The following PTPRT variants were observed in gnomAD, a reference collection of about 807,000 sequenced individuals.
PTPRT encodes the protein receptor-type tyrosine-protein phosphatase T.
Under a neutral mutation model 176.8 loss-of-function variants are expected in PTPRT, and 56 were observed. The ratio of observed to expected loss-of-function variants is 0.32; its 90% CI spans 0.26 to 0.40. The LOEUF (loss-of-function observed/expected upper bound fraction) is 0.40, where lower values mean the gene tolerates loss of function less well. Among genes scored for constraint, PTPRT ranks in the 10% least tolerant of loss-of-function variants. The pLI is 1.00. For missense variants in PTPRT, 1,540 were observed against 1,908.2 expected (o/e 0.81, Z 3.60); for synonymous variants, 783 against 739.0 (o/e 1.06, Z -0.96).
intron 7 of PTPRT, among the ~76,000 whole-genome samples, chr20:42,630,756 G>A (rs6030384): frequency 0.15 from 22,693 of 152,174 alleles, 1,793 homozygotes; most frequent in South Asian, 0.19. Flanking sequence ...GGTTATTAGC[G>A]ATTGCCATGC....
intron 9 of PTPRT, among the ~76,000 whole-genome samples, chr20:42,365,692 T>C (rs770832233): frequency 6.6e-6 from 1 of 152,166 alleles, no homozygotes; most frequent in Non-Finnish European, 1.5e-5. Flanking sequence ...AAAAATCTCA[T>C]AATGTTTTAA....
intron 7 of PTPRT, among the ~76,000 whole-genome samples, chr20:42,575,284 G>A (rs62203792): frequency 0.093 from 14,141 of 152,190 alleles, 1,275 homozygotes; most frequent in African/African-American, 0.24. Flanking sequence ...TGGAAGGACC[G>A]TCAAGTGTTA....
At chr20:42,772,466 A>T (rs1366579163) in intron 4 of PTPRT, among the ~76,000 whole-genome samples, 2 of 152,224 alleles carry the variant, frequency 1.3e-5, no homozygotes, top group Non-Finnish European at 2.9e-5. Flanking sequence ...GTGTATGAGC[A>T]GACAATCTTC....
rs971739935 is a variant in PTPRT at position 42,074,698 on chromosome 20, G to T, written c.*6181C>A. The T allele has an allele frequency of 5.0e-6, 2 of 398,368 alleles. No homozygotes were observed. The highest frequency in any genetic ancestry group is 4.4e-6 in the Non-Finnish European group (1 of 225,970). 24.7% of individuals were successfully genotyped at this position (398,368 alleles called of 1,614,324 possible). ...TGCTAGGTTTGGAGGCTACCATTGT[G>T]AGTGTTGATGCCTCCTTTTAGAGAC... is the stretch of plus-strand genomic sequence containing the variant. On this transcript the variant is annotated 3_prime_UTR_variant, in exon 31 of 31. Coordinates refer to ENST00000373187, the MANE Select transcript of PTPRT (RefSeq NM_007050.6).
intron 1 of PTPRT, among the ~76,000 whole-genome samples, chr20:42,916,757 T>C (rs1978787649): frequency 2.6e-5 from 4 of 152,250 alleles, no homozygotes; most frequent in Admixed American, 6.5e-5. Flanking sequence ...ATTGCATAAA[T>C]GTCTTCTTTT....
chr20:42,246,592 G>A (rs1050451032), intron 14 of PTPRT, among the ~76,000 whole-genome samples: 1 of 152,106 alleles, frequency 6.6e-6, no homozygotes, highest in East Asian at 1.9e-4. Flanking sequence ...GAAACATAAA[G>A]CCTTTTCCTC....
At chr20:42,511,557 T>C (rs1053183282) in intron 7 of PTPRT, among the ~76,000 whole-genome samples, 7 of 152,026 alleles carry the variant, frequency 4.6e-5, no homozygotes, top group African/African-American at 1.7e-4. Flanking sequence ...GTAAAATGTA[T>C]TCCTTTTCAG....
intron 7 of PTPRT, among the ~76,000 whole-genome samples, chr20:42,606,322 G>A (rs1162583584): frequency 6.6e-6 from 1 of 152,134 alleles, no homozygotes; most frequent in African/African-American, 2.4e-5. Flanking sequence ...AGCAGATCTG[G>A]GACCTCAGCA....
chr20:42,366,026 A>G (rs1023084224), intron 9 of PTPRT, among the ~76,000 whole-genome samples: 3 of 152,188 alleles, frequency 2.0e-5, no homozygotes, highest in Admixed American at 1.3e-4. Flanking sequence ...CTCTCTGCCC[A>G]TGACTTCCCT....
intron 1 of PTPRT, among the ~76,000 whole-genome samples, chr20:42,932,674 C>T (rs958547270): frequency 2.2e-4 from 33 of 152,220 alleles, no homozygotes; most frequent in African/African-American, 5.8e-4. Context: ...TGGCAAACCA[C>T]GACAGCTGGT....
At chr20:42,651,839 G>T (rs1381757527) in intron 7 of PTPRT, among the ~76,000 whole-genome samples, 2 of 152,068 alleles carry the variant, frequency 1.3e-5, no homozygotes, top group East Asian at 1.9e-4. Context: ...CTGAGGTCAG[G>T]AGTTCAAGAT....
intron 1 of PTPRT, among the ~76,000 whole-genome samples, chr20:43,078,327 GC>G (rs1013527042): frequency 6.6e-6 from 1 of 152,192 alleles, no homozygotes; most frequent in African/African-American, 2.4e-5. Flanking sequence ...CACTCAGCCA[GC>G]CCTGAATGAA....
intron 7 of PTPRT, among the ~76,000 whole-genome samples, chr20:42,578,904 G>GT (rs1028151798): frequency 6.8e-6 from 1 of 147,116 alleles, no homozygotes; most frequent in African/African-American, 2.5e-5. Context: ...TTTTTTTTTG[G>GT]GGGGGGGTCG....
At chr20:42,101,041 A>G (rs767783720) in intron 26 of PTPRT, among the ~76,000 whole-genome samples, 4 of 152,210 alleles carry the variant, frequency 2.6e-5, no homozygotes, top group African/African-American at 4.8e-5. Context: ...TGACCCCAGG[A>G]GAAAGCATCC....
At chr20:42,052,732 T>G in the PTPRT span, among the ~76,000 whole-genome samples, 1 of 152,164 alleles carries the variant, frequency 6.6e-6, no homozygotes, top group African/African-American at 2.4e-5. Context: ...CACCTGGCAG[T>G]GCCATTTATA....
chr20:42,966,812 A>C (rs1982321484), intron 1 of PTPRT, among the ~76,000 whole-genome samples: 1 of 152,252 alleles, frequency 6.6e-6, no homozygotes, highest in Admixed American at 6.5e-5. Context: ...GTAAAAATCA[A>C]GGAGAAATTT....
chr20:42,863,718 C>G (rs146448972), intron 2 of PTPRT, among the ~76,000 whole-genome samples: 3 of 152,300 alleles, frequency 2.0e-5, no homozygotes, highest in Middle Eastern at 3.4e-3. Context: ...CTCCCTGCCC[C>G]CTAATTACAA....
intron 2 of PTPRT, among the ~76,000 whole-genome samples, chr20:42,847,476 A>G (rs1485373950): frequency 6.6e-6 from 1 of 152,176 alleles, no homozygotes; most frequent in African/African-American, 2.4e-5. Flanking sequence ...GTGGGTAAAG[A>G]TGGATTGAAA....
At chr20:42,966,732 AG>A (rs1227497910) in intron 1 of PTPRT, among the ~76,000 whole-genome samples, 5 of 152,222 alleles carry the variant, frequency 3.3e-5, no homozygotes, top group African/African-American at 4.8e-5. Context: ...ACAAACAAGG[AG>A]GAAAAACAAA....
Sources: allele counts gnomAD v4.1 joint callset (sites outside exome capture counted in the v4.1 genomes callset), GRCh38; gene constraint gnomAD v4.1.1; transcripts MANE v1.5; gene names NCBI Gene and HGNC (gene_info 2026-07-23, HGNC 2026-07-21).